The following SYT1 variants were observed in gnomAD, a reference collection of about 807,000 sequenced individuals.
SYT1 encodes synaptotagmin 1.
Under a neutral mutation model 44.8 loss-of-function variants are expected in SYT1, and 8 were observed. That is an observed-to-expected ratio of 0.18 (90% CI 0.10 to 0.32). The LOEUF (loss-of-function observed/expected upper bound fraction) is 0.32. SYT1 is among the 10% of genes least tolerant of loss of function. SYT1 has a pLI of 1.00. For missense variants in SYT1, 286 were observed against 509.3 expected, an observed-to-expected ratio of 0.56 and a Z score of 4.22; for synonymous variants, 154 against 188.8, an observed-to-expected ratio of 0.82 and a Z score of 1.51.
intron 4 of SYT1, among the ~76,000 whole-genome samples, chr12:79,275,807 G>T (rs1878683957): frequency 2.0e-5 from 3 of 152,136 alleles, no homozygotes; most frequent in Admixed American, 1.3e-4. Flanking sequence ...AATACTGAGG[G>T]TGTGGGGAGG....
At chr12:78,976,006 AG>A (rs1257568101) in intron 1 of SYT1, among the ~76,000 whole-genome samples, 1 of 152,224 alleles carries the variant, frequency 6.6e-6, no homozygotes. Context: ...ACACATACAC[AG>A]CAAACAAACA....
chr12:79,064,941 AAAGAAAG>A lies in SYT1; in HGVS notation c.-18+17582_-18+17588del, dbSNP rs1565789250. Among the ~76,000 whole-genome samples, 5 of 123,750 alleles carry A rather than the reference AAAGAAAG, an allele frequency of 4.0e-5. No homozygotes were observed. In the East Asian group the frequency reaches 8.8e-4, roughly 22 times the overall value. The allele number at this position is 123,750 out of a possible 152,430, so 81.2% of individuals were successfully genotyped here. A position where few individuals can be genotyped will look rare whatever the true frequency, so the allele number is the denominator to read the frequency against. On this transcript the variant is annotated intron_variant, in intron 3 of 10. Coordinates refer to ENST00000261205, the MANE Select transcript of SYT1 (RefSeq NM_005639.3). ...AAAAAATAGAGAGAAAGAAAGAAAG[AAAGAAAG>A]AAAGAAAGAAAGAAAGAAAGAAAGA...
intron 8 of SYT1, among the ~76,000 whole-genome samples, chr12:79,328,832 C>T (rs894694297): frequency 1.6e-4 from 23 of 143,992 alleles, no homozygotes; most frequent in Non-Finnish European, 1.5e-4. Context: ...GGCGACAGAG[C>T]GAGACTCCAT....
intron 3 of SYT1, among the ~76,000 whole-genome samples, chr12:79,203,896 T>G (rs1360953327): frequency 6.6e-6 from 1 of 152,224 alleles, no homozygotes; most frequent in Non-Finnish European, 1.5e-5. Context: ...TCCCCAGCCA[T>G]TCAAATAGTG....
intron 1 of SYT1, among the ~76,000 whole-genome samples, chr12:78,878,353 C>G (rs1438965393): frequency 6.6e-6 from 1 of 151,730 alleles, no homozygotes; most frequent in Non-Finnish European, 1.5e-5. Flanking sequence ...TCACCAAGTA[C>G]ATAATGTGGG....
intron 4 of SYT1, among the ~76,000 whole-genome samples, chr12:79,235,708 T>G (rs1876149399): frequency 6.6e-6 from 1 of 150,758 alleles, no homozygotes. Context: ...CTTCTTACAA[T>G]TCAATACAAA....
intron 4 of SYT1, among the ~76,000 whole-genome samples, chr12:79,281,183 A>C (rs1879034420): frequency 6.6e-6 from 1 of 152,114 alleles, no homozygotes; most frequent in Admixed American, 6.5e-5. Flanking sequence ...CCATTATATC[A>C]AAAAGACACC....
At chr12:79,340,419 T>C (rs945389472) in intron 8 of SYT1, among the ~76,000 whole-genome samples, 2 of 152,174 alleles carry the variant, frequency 1.3e-5, no homozygotes, top group Non-Finnish European at 2.9e-5. Flanking sequence ...GGTATTTTTT[T>C]CTCTTTGTGG....
intron 9 of SYT1, among the ~76,000 whole-genome samples, chr12:79,396,001 T>A (rs1436854754): frequency 6.6e-6 from 1 of 152,208 alleles, no homozygotes. Flanking sequence ...TAATACTCTG[T>A]ATCCTAAATT....
intron 3 of SYT1, among the ~76,000 whole-genome samples, chr12:79,125,471 G>C (rs1259460624): frequency 1.6e-5 from 2 of 123,598 alleles, no homozygotes; most frequent in Non-Finnish European, 3.5e-5. Context: ...AAAAAAATTA[G>C]CTGTGTGTAG....
At chr12:78,986,505 T>G (rs1869650855) in intron 2 of SYT1, among the ~76,000 whole-genome samples, 1 of 151,906 alleles carries the variant, frequency 6.6e-6, no homozygotes, top group Non-Finnish European at 1.5e-5. Flanking sequence ...CTTCAGAAGT[T>G]AAAAATAAAT....
rs146494816 is a variant in SYT1, at chr12:79,144,117, A to T, written c.-17-73386A>T. On this transcript the variant is annotated intron_variant, in intron 3 of 10. Transcript: ENST00000261205. The stretch of plus-strand genomic sequence containing the variant: ...TTGATCTGTCATTTCCTCCAAAATT[A>T]GCTCATTTAGTTTACAATGCATCAA... Among the ~76,000 whole-genome samples the T allele has an allele frequency of 1.1e-3, 162 of 152,300 alleles. 1 individual carries two copies. The highest frequency in any genetic ancestry group is 3.5e-3 in the Admixed American group (53 of 15,300).
chr12:79,365,034 A>T (rs990078137), intron 9 of SYT1, among the ~76,000 whole-genome samples: 1 of 152,036 alleles, frequency 6.6e-6, no homozygotes, highest in East Asian at 1.9e-4. Context: ...CCACAACCCC[A>T]CCACTTCTTT....
At chr12:78,949,525 A>G (rs193167296) in intron 1 of SYT1, among the ~76,000 whole-genome samples, 16 of 151,992 alleles carry the variant, frequency 1.1e-4, no homozygotes, top group African/African-American at 3.9e-4. Context: ...GATTTCAAAT[A>G]CCATTGCATT....
At chr12:79,194,006 G>A (rs1188329146) in intron 3 of SYT1, among the ~76,000 whole-genome samples, 31 of 152,094 alleles carry the variant, frequency 2.0e-4, no homozygotes, top group Admixed American at 2.0e-3. Context: ...TCTAACTGTT[G>A]TTGAACCCCA....
At chr12:79,211,224 A>G (rs1178768595) in intron 3 of SYT1, among the ~76,000 whole-genome samples, 1 of 152,050 alleles carries the variant, frequency 6.6e-6, no homozygotes, top group East Asian at 1.9e-4. Context: ...TAACACTCCC[A>G]TGTATTTCCA....
chr12:79,036,146 G>A (rs1873118463), intron 2 of SYT1, among the ~76,000 whole-genome samples: 1 of 151,696 alleles, frequency 6.6e-6, no homozygotes, highest in South Asian at 2.1e-4. Flanking sequence ...GCTTATTACA[G>A]GGAAGCACAA....
At chr12:79,192,115 G>A (rs1459290717) in intron 3 of SYT1, among the ~76,000 whole-genome samples, 3 of 152,056 alleles carry the variant, frequency 2.0e-5, no homozygotes, top group African/African-American at 4.8e-5. Flanking sequence ...ATGAAGACAA[G>A]CGTGCAAGTA....
At chr12:79,208,356 CAAAGCAT>C (rs1565855874) in intron 3 of SYT1, among the ~76,000 whole-genome samples, 1 of 152,138 alleles carries the variant, frequency 6.6e-6, no homozygotes, top group Non-Finnish European at 1.5e-5. Flanking sequence ...CAACTGCACA[CAAAGCAT>C]AAAGCTCACT....
Sources: gnomAD v4.1 joint callset for allele counts (sites outside exome capture counted in the v4.1 genomes callset) on GRCh38, gnomAD v4.1.1 for gene constraint, MANE v1.5 for transcripts, NCBI Gene and HGNC (gene_info 2026-07-23, HGNC 2026-07-21) for gene names.